PRICKLE1: variants seen among roughly 807,000 people sequenced by gnomAD.
The protein encoded by PRICKLE1 is prickle-like protein 1.
A neutral mutation model predicts 70.2 loss-of-function variants in PRICKLE1; 14 were observed. The observed-to-expected ratio is 0.20, with a 90% CI of 0.13 to 0.31. The LOEUF is 0.31. PRICKLE1 is among the 10% of genes least tolerant of loss of function. PRICKLE1 has a pLI of 1.00. For missense variants in PRICKLE1, 821 were observed against 1,026.2 expected (o/e 0.80, Z 2.73); for synonymous variants, 357 against 379.9 (o/e 0.94, Z 0.70).
intron 1 of PRICKLE1, chr12:42,485,253 T>G (rs941768648): frequency 6.5e-5 from 9 of 138,146 alleles, no homozygotes; most frequent in African/African-American, 2.5e-4. Flanking sequence ...TTTTTTTTTT[T>G]TTTTTTTTTT....
At chr12:42,507,835 A>C (rs1020031420) in intron 1 of PRICKLE1, among the ~76,000 whole-genome samples, 1 of 152,248 alleles carries the variant, frequency 6.6e-6, no homozygotes, top group African/African-American at 2.4e-5. Context: ...CTTCAATCGC[A>C]GTATTGACAA....
intron 1 of PRICKLE1, among the ~76,000 whole-genome samples, chr12:42,560,776 A>T: frequency 5.2e-5 from 1 of 19,068 alleles, no homozygotes; most frequent in South Asian, 1.6e-3. Context: ...TCTCACACAC[A>T]CACACACACA....
chr12:42,510,237 G>C (rs1031308860), intron 1 of PRICKLE1, among the ~76,000 whole-genome samples: 3 of 151,990 alleles, frequency 2.0e-5, no homozygotes, highest in Admixed American at 1.3e-4. Flanking sequence ...TGGGACTACA[G>C]GCGCCCGCCA....
chr12:42,534,255 G>A (rs978058964), intron 1 of PRICKLE1, among the ~76,000 whole-genome samples: 1 of 152,158 alleles, frequency 6.6e-6, no homozygotes. Flanking sequence ...CTGAAGATGA[G>A]CCCTTAGAGA....
chr12:42,477,174 A>T (rs949770059), intron 1 of PRICKLE1, among the ~76,000 whole-genome samples: 2 of 151,686 alleles, frequency 1.3e-5, no homozygotes, highest in Admixed American at 6.6e-5. Flanking sequence ...GGAGTTTGAG[A>T]CCAACCTGAC....
intron 1 of PRICKLE1, among the ~76,000 whole-genome samples, chr12:42,571,917 A>G (rs929050926): frequency 1.3e-5 from 2 of 152,158 alleles, no homozygotes; most frequent in African/African-American, 2.4e-5. Flanking sequence ...CTTTCTTGTG[A>G]TATAAAGGAC....
Position 42,468,734 on chromosome 12 carries a change from C to T in PRICKLE1, c.480G>A (p.Thr160=), listed in dbSNP as rs376385820. The change falls in exon 5 of 8, where the codon ACG becomes ACA. Residue 160 remains threonine (T), a synonymous_variant. Coordinates refer to ENST00000345127, the MANE Select transcript of PRICKLE1 (RefSeq NM_153026.3). ...TGAGGTCGACCAGCAGCTCATTACA[C>T]GTGAAACAGACAAAACAGGATGGGT... ...CWHPSCFVCF[T]CNELLVDLIY... 107 of 1,614,120 alleles carry T rather than the reference C, an allele frequency of 6.6e-5. No individual in the cohort carries two copies. The highest frequency in any genetic ancestry group is 1.8e-4 in the Admixed American group (11 of 60,000).
At chr12:42,532,093 A>G (rs1939928700) in intron 1 of PRICKLE1, among the ~76,000 whole-genome samples, 1 of 152,184 alleles carries the variant, frequency 6.6e-6, no homozygotes, top group Non-Finnish European at 1.5e-5. Flanking sequence ...TGAGCCTGGG[A>G]GGTTGAGGCT....
chr12:42,460,782 T>A, intron 7 of PRICKLE1, 117 bp from the exon 8 acceptor site: 1 of 1,235,820 alleles, frequency 8.1e-7, no homozygotes, highest in Non-Finnish European at 1.2e-6. Flanking sequence ...CAATATTTGA[T>A]TAAAACCCAT....
At chr12:42,572,436 T>C (rs1357351982) in intron 1 of PRICKLE1, among the ~76,000 whole-genome samples, 1 of 75,666 alleles carries the variant, frequency 1.3e-5, no homozygotes, top group Non-Finnish European at 2.5e-5. Context: ...AACTCTGTCT[T>C]AAATAAATAA....
chr12:42,512,115 C>T (rs950995617), intron 1 of PRICKLE1, among the ~76,000 whole-genome samples: 5 of 106,008 alleles, frequency 4.7e-5, no homozygotes, highest in Non-Finnish European at 1.2e-4. Context: ...AAAGGATGGT[C>T]CCATTACAAA....
chr12:42,530,680 ATTTTTTTTTTTT>A (rs34675637), intron 1 of PRICKLE1, among the ~76,000 whole-genome samples: 1 of 97,100 alleles, frequency 1.0e-5, no homozygotes, highest in South Asian at 3.8e-4. Context: ...TTATCAAATA[ATTTTTTTTTTTT>A]TTTTTTTTTT....
intron 1 of PRICKLE1, among the ~76,000 whole-genome samples, chr12:42,477,122 C>CA (rs1421673107): frequency 2.0e-5 from 3 of 151,894 alleles, no homozygotes; most frequent in Non-Finnish European, 4.4e-5. Flanking sequence ...CATGTAATCC[C>CA]AGCACTTTGG....
chr12:42,532,857 A>G (rs1240298613), intron 1 of PRICKLE1, among the ~76,000 whole-genome samples: 1 of 149,886 alleles, frequency 6.7e-6, no homozygotes, highest in Non-Finnish European at 1.5e-5. Context: ...AGATCGTGTC[A>G]CTGCACTCCA....
At chr12:42,551,634 T>C (rs55930021) in intron 1 of PRICKLE1, among the ~76,000 whole-genome samples, 41,950 of 151,592 alleles carry the variant, frequency 0.28, 7,922 homozygotes, top group African/African-American at 0.55. Context: ...AGGAGGAGAG[T>C]GGAGGAAAGA....
Position 42,460,149 on chromosome 12 carries a change from C to T in PRICKLE1, c.2156G>A (p.Arg719Gln), listed in dbSNP as rs779059953. The T allele has an allele frequency of 2.0e-5, 32 of 1,613,980 alleles. No individual in the cohort carries two copies. Among genetic ancestry groups the T allele is most frequent in the South Asian group, 8.8e-5 (8 of 91,058 alleles). Reference protein sequence around the residue: ...YEKFIQNKSAREIQAYIQNAD... With the variant: ...YEKFIQNKSAQEIQAYIQNAD... Reference sequence around the variant, plus strand: ...ATTCTGGATGTATGCTTGGATCTCCCGGGCACTTTTATTCTGTATAAATTT... The same window carrying T: ...ATTCTGGATGTATGCTTGGATCTCCTGGGCACTTTTATTCTGTATAAATTT... Residue 719 changes from arginine (R) to glutamine (Q), a missense_variant, in exon 8 of 8, where the codon CGG becomes CAG. Physicochemically the swap from Arg to Gln is conservative, Grantham distance 43. Coordinates refer to ENST00000345127, the MANE Select transcript of PRICKLE1 (RefSeq NM_153026.3).
intron 3 of PRICKLE1, 184 bp from the exon 4 acceptor site, chr12:42,469,771 A>G: frequency 4.5e-6 from 3 of 671,830 alleles, no homozygotes; most frequent in Middle Eastern, 2.8e-4. Flanking sequence ...AGGGAAATGC[A>G]ATGTGAAGGA....
intron 1 of PRICKLE1, among the ~76,000 whole-genome samples, chr12:42,562,103 G>A (rs1049663663): frequency 6.6e-6 from 1 of 151,630 alleles, no homozygotes; most frequent in South Asian, 2.1e-4. Flanking sequence ...GTAGAGATAG[G>A]GTTTCCATGT....
At chr12:42,549,496 A>C (rs1042316633) in intron 1 of PRICKLE1, among the ~76,000 whole-genome samples, 4 of 152,186 alleles carry the variant, frequency 2.6e-5, no homozygotes, top group Non-Finnish European at 5.9e-5. Context: ...GTCCGGGATC[A>C]TGGAACCCAC....
Sources: gnomAD v4.1 joint callset for allele counts (sites outside exome capture counted in the v4.1 genomes callset) on GRCh38, gnomAD v4.1.1 for gene constraint, MANE v1.5 for transcripts, NCBI Gene and HGNC (gene_info 2026-07-23, HGNC 2026-07-21) for gene names.